The following OCA2 variants were observed in gnomAD, a reference collection of about 807,000 sequenced individuals.
OCA2 encodes P protein.
A neutral mutation model predicts 100.2 loss-of-function variants in OCA2; 77 were observed. That is an observed-to-expected ratio of 0.77 (90% CI 0.64 to 0.93). The LOEUF (loss-of-function observed/expected upper bound fraction) is 0.93, where lower values mean the gene tolerates loss of function less well. Among genes scored for constraint, OCA2 ranks in the 40% least tolerant of loss-of-function variants. OCA2 has a pLI of 0.00. For missense variants in OCA2, 1,062 were observed against 1,089.1 expected, an observed-to-expected ratio of 0.98 and a Z score of 0.35; for synonymous variants, 432 against 439.2, an observed-to-expected ratio of 0.98 and a Z score of 0.21.
chr15:27,843,681 AT>A (rs1285314178), intron 23 of OCA2, among the ~76,000 whole-genome samples: 1 of 152,182 alleles, frequency 6.6e-6, no homozygotes, highest in Non-Finnish European at 1.5e-5. Context: ...TGTCATTCAA[AT>A]TAATGCCTCA....
At chr15:27,780,028 C>T (rs1378199786) in intron 23 of OCA2, among the ~76,000 whole-genome samples, 1 of 152,112 alleles carries the variant, frequency 6.6e-6, no homozygotes, top group East Asian at 1.9e-4. Flanking sequence ...AAAAATGTGT[C>T]CTTAGTGAAA....
Position 27,957,467 on chromosome 15 carries a change from T to C in OCA2, c.1784+121A>G. The C allele has an allele frequency of 8.4e-7, 1 of 1,196,880 alleles. No homozygotes were observed. Among genetic ancestry groups the C allele is most frequent in the Non-Finnish European group, 1.2e-6 (1 of 814,116 alleles). The allele number at this position is 1,196,880 out of a possible 1,614,324, so 74.1% of individuals were successfully genotyped here. ...TAGATAAAATGTACTATAAGAGGCT[T>C]AGCACAGTGTGCGTCACCTAAATAT... On this transcript the variant is annotated intron_variant, in intron 16 of 23. Transcript: ENST00000354638. This position sits in a 1 kb window ranked among gnomAD's most constrained non-coding sequence, Gnocchi z 4.3.
chr15:27,870,733 A>AAGAAAGGG (rs2036521393), intron 21 of OCA2, among the ~76,000 whole-genome samples: 1 of 131,738 alleles, frequency 7.6e-6, no homozygotes, highest in African/African-American at 3.1e-5. Context: ...AGAAGGAAGG[A>AAGAAAGGG]AGGGAGGGAG....
At chr15:28,048,783 A>C (rs2043419733) in intron 2 of OCA2, among the ~76,000 whole-genome samples, 1 of 149,126 alleles carries the variant, frequency 6.7e-6, no homozygotes, top group Non-Finnish European at 1.5e-5. Flanking sequence ...AGGTGGAAAG[A>C]TCACTTGAGT....
intron 2 of OCA2, among the ~76,000 whole-genome samples, chr15:28,045,163 T>C (rs993110778): frequency 6.6e-6 from 1 of 152,228 alleles, no homozygotes; most frequent in African/African-American, 2.4e-5. Context: ...TTCCATTTTA[T>C]CCTTTTATTG....
At chr15:28,084,334 C>T (rs2044736566) in intron 1 of OCA2, among the ~76,000 whole-genome samples, 1 of 152,066 alleles carries the variant, frequency 6.6e-6, no homozygotes, top group Admixed American at 6.5e-5. Context: ...ACATACCACC[C>T]ACCCTTAGTG....
At chr15:27,729,483 T>C in the OCA2 span, among the ~76,000 whole-genome samples, 11 of 152,188 alleles carry the variant, frequency 7.2e-5, no homozygotes, top group African/African-American at 2.4e-4. Flanking sequence ...CTATAAGGAA[T>C]TGCCACAATT....
At chr15:27,947,737 C>T (rs993398193) in intron 18 of OCA2, among the ~76,000 whole-genome samples, 1 of 152,218 alleles carries the variant, frequency 6.6e-6, no homozygotes, top group Non-Finnish European at 1.5e-5. Context: ...CACAGACAGC[C>T]CTGAGGTGCA....
intron 23 of OCA2, among the ~76,000 whole-genome samples, chr15:27,810,386 T>C (rs1603787): frequency 0.7 from 106,713 of 152,186 alleles, 38,303 homozygotes; most frequent in East Asian, 1. Flanking sequence ...AAATCTAAGA[T>C]GTGAAATCAT....
chr15:27,788,821 T>C (rs2032943193), intron 23 of OCA2, among the ~76,000 whole-genome samples: 1 of 152,122 alleles, frequency 6.6e-6, no homozygotes, highest in Non-Finnish European at 1.5e-5. Context: ...GTTAAATAGA[T>C]GTTTTCTGAC....
chr15:27,926,946 G>C (rs1453758075), intron 18 of OCA2, among the ~76,000 whole-genome samples: 5 of 152,052 alleles, frequency 3.3e-5, no homozygotes, highest in Non-Finnish European at 7.4e-5. Flanking sequence ...TTTCTCAATA[G>C]ACAGATCATC....
intron 23 of OCA2, among the ~76,000 whole-genome samples, chr15:27,829,466 A>T (rs1049357922): frequency 1.3e-5 from 2 of 152,208 alleles, no homozygotes; most frequent in African/African-American, 4.8e-5. Flanking sequence ...AGCAGAATAC[A>T]TGGTCTAGGC....
intron 2 of OCA2, among the ~76,000 whole-genome samples, chr15:28,058,771 G>T (rs950818058): frequency 3.3e-5 from 5 of 152,216 alleles, no homozygotes; most frequent in African/African-American, 7.2e-5. Context: ...GCTATGAACA[G>T]CTCCTCCCTT....
the OCA2 span, among the ~76,000 whole-genome samples, chr15:27,731,048 G>A: frequency 6.6e-6 from 1 of 151,730 alleles, no homozygotes; most frequent in African/African-American, 2.4e-5. Context: ...CATCCTAAAT[G>A]TAGCCACATA....
chr15:28,087,344 C>G (rs1403629514), intron 1 of OCA2, among the ~76,000 whole-genome samples: 1 of 152,028 alleles, frequency 6.6e-6, no homozygotes, highest in East Asian at 1.9e-4. Context: ...TCAAAGAAAA[C>G]TAAAAATTTA....
intron 23 of OCA2, among the ~76,000 whole-genome samples, chr15:27,764,224 G>A (rs1209174725): frequency 1.3e-5 from 2 of 151,014 alleles, no homozygotes; most frequent in African/African-American, 4.9e-5. Flanking sequence ...GAGAGAGAGG[G>A]GAAAATAGAG....
chr15:27,957,509 G>A lies in OCA2; in HGVS notation c.1784+79C>T. 6.6e-7 allele frequency: 1 copy of A among 1,504,788 alleles called. No homozygotes were observed. Among genetic ancestry groups the A allele is most frequent in the Non-Finnish European group, 9.2e-7 (1 of 1,084,606 alleles). 93.2% of individuals were successfully genotyped at this position (1,504,788 alleles called of 1,614,324 possible). A position where few individuals can be genotyped will look rare whatever the true frequency, so the allele number is the denominator to read the frequency against. On this transcript the variant is annotated intron_variant, in intron 16 of 23. Transcript: ENST00000354638. The surrounding 1 kb of genome is among the most constrained non-coding windows in gnomAD (Gnocchi z 4.3). The stretch of plus-strand genomic sequence containing the variant: ...CCTAAATATCACGTATTAGTATACA[G>A]CTAATGTCGCTATTTTGTAGGCCCA...
At chr15:27,959,018 G>T (rs1183547381) in intron 15 of OCA2, among the ~76,000 whole-genome samples, 1 of 152,158 alleles carries the variant, frequency 6.6e-6, no homozygotes, top group South Asian at 2.1e-4. Context: ...CACCCACTGC[G>T]TGGCAGACCT....
intron 23 of OCA2, among the ~76,000 whole-genome samples, chr15:27,813,255 C>T (rs148413914): frequency 1.3e-5 from 2 of 152,224 alleles, no homozygotes; most frequent in East Asian, 3.9e-4. Flanking sequence ...GGGGTGCAGG[C>T]TCTCCGGGGT....
Sources: gnomAD v4.1 joint callset for allele counts (sites outside exome capture counted in the v4.1 genomes callset) on GRCh38, gnomAD v4.1.1 for gene constraint, Gnocchi (gnomAD v3.1) non-coding constraint, MANE v1.5 for transcripts, NCBI Gene and HGNC (gene_info 2026-07-23, HGNC 2026-07-21) for gene names.